USP36: variants seen among roughly 807,000 people sequenced by gnomAD.
USP36 encodes the protein ubiquitin carboxyl-terminal hydrolase 36.
USP36 carries 59 observed loss-of-function variants against 111.5 expected under a neutral mutation model. The observed-to-expected ratio is 0.53, with a 90% CI of 0.43 to 0.66. USP36 has a LOEUF of 0.66. USP36 is among the 30% of genes least tolerant of loss of function. USP36 has a pLI of 0.00. For missense variants in USP36, 1,488 were observed against 1,468.0 expected, an observed-to-expected ratio of 1.01 and a Z score of -0.22; for synonymous variants, 628 against 581.0, an observed-to-expected ratio of 1.08 and a Z score of -1.16.
intron 15 of USP36, among the ~76,000 whole-genome samples, chr17:78,804,819 G>C (rs1041807791): frequency 1.3e-5 from 2 of 151,904 alleles, no homozygotes; most frequent in African/African-American, 4.8e-5. Flanking sequence ...GTTAAGGGAG[G>C]AAACCTTCAC....
Position 78,803,779 on chromosome 17 carries a change from G to T in USP36, c.2416C>A (p.Gln806Lys), listed in dbSNP as rs537129179. 1 of 1,607,306 alleles carries T rather than the reference G, an allele frequency of 6.2e-7. No individual in the cohort carries two copies. Residue 806 changes from glutamine (Q) to lysine (K), a missense_variant, in exon 16 of 21, where the codon CAG becomes AAG. Gln to Lys is a moderately conservative substitution (Grantham distance 53, BLOSUM62 1). Around this residue, in one of 3 missense-constraint regions of USP36, gnomAD observed 1,073 missense variants for 994.1 expected, o/e 1.08. Coordinates refer to ENST00000449938, the MANE Select transcript of USP36 (RefSeq NM_001385174.1). The surrounding 1 kb of genome is among the most constrained non-coding windows in gnomAD (Gnocchi z 4.6). ...TTTTTCCTCTTCTCAGAGGGGCTCT[G>T]GGGGGGCTCACTGGCCTCTGGCAAC... is the stretch of plus-strand genomic sequence containing the variant. The part of the protein sequence containing the change: ...HQLPEASEPP[Q>K]SPSEKRKKTF...
rs2068560555 is a variant in USP36, at chr17:78,835,347, G to A, written c.408C>T (p.Thr136=). ...GTGGTGTGTAGGTCAAGCACTGGAT[G>A]GTGGCATTGAGAAAGCAGGTGTTGC... is the stretch of plus-strand genomic sequence containing the variant. The part of the protein sequence containing the change: ...NLGNTCFLNA[T]IQCLTYTPPL... Residue 136 remains threonine (T), a synonymous_variant, in exon 4 of 21, where the codon ACC becomes ACT. Coordinates refer to ENST00000449938, the MANE Select transcript of USP36 (RefSeq NM_001385174.1). 1 of 1,614,086 alleles carries A rather than the reference G, an allele frequency of 6.2e-7. No homozygotes were observed. Among genetic ancestry groups the A allele is most frequent in the South Asian group, 1.1e-5 (1 of 91,086 alleles).
chr17:78,820,923 G>A (rs2094302859), intron 8 of USP36, 68 bp downstream of exon 8: 3 of 1,502,848 alleles, frequency 2.0e-6, no homozygotes, highest in Non-Finnish European at 2.7e-6. Flanking sequence ...TTACTGTTCT[G>A]CGGGTTCTGT....
chr17:78,804,098 T>C lies in USP36; in HGVS notation c.2217-120A>G, dbSNP rs190840278. 89 of 673,448 alleles carry C rather than the reference T, an allele frequency of 1.3e-4. No homozygotes were observed. In the African/African-American group the frequency reaches 1.5e-3, roughly 11 times the overall value. The allele number at this position is 673,448 out of a possible 1,614,324, so 41.7% of individuals were successfully genotyped here. ...AAAATCTGAAAAGGCTTTTACCCTG[T>C]AGTTTTCAGATACACATTAAGTTAC... On this transcript the variant is annotated intron_variant, in intron 15 of 20. Coordinates refer to ENST00000449938, the MANE Select transcript of USP36 (RefSeq NM_001385174.1).
intron 17 of USP36, among the ~76,000 whole-genome samples, chr17:78,801,957 TG>T (rs1182994215): frequency 6.6e-6 from 1 of 151,924 alleles, no homozygotes; most frequent in African/African-American, 2.4e-5. Flanking sequence ...GACTCGGGGG[TG>T]GGGGGTGAAG....
intron 13 of USP36, among the ~76,000 whole-genome samples, chr17:78,811,332 C>A (rs896351442): frequency 6.6e-6 from 1 of 152,050 alleles, no homozygotes; most frequent in African/African-American, 2.4e-5. Flanking sequence ...AACCACATAA[C>A]CTTTATCATC....
chr17:78,807,702 T>C, intron 13 of USP36, 66 bp from the exon 14 acceptor site: 2 of 1,450,672 alleles, frequency 1.4e-6, no homozygotes, highest in African/African-American at 1.4e-5. Flanking sequence ...CACATCTTCT[T>C]AAGGCCACAG....
intron 7 of USP36, 149 bp from the exon 8 acceptor site, chr17:78,821,210 G>C: frequency 1.5e-6 from 1 of 660,594 alleles, no homozygotes. Flanking sequence ...CCTGGTGTCC[G>C]AACAGAGAGC....
At chr17:78,822,593 C>T (rs1314896243) in intron 6 of USP36, among the ~76,000 whole-genome samples, 1 of 152,228 alleles carries the variant, frequency 6.6e-6, no homozygotes, top group Admixed American at 6.5e-5. Flanking sequence ...TTCATGTCCC[C>T]CGCACCGCTC....
rs1446510953 is a variant in USP36 at position 78,803,076 on chromosome 17, C to CTA, written c.2810+307_2810+308dup. Among the ~76,000 whole-genome samples the CTA allele has an allele frequency of 2.6e-5, 4 of 152,048 alleles. No homozygotes were observed. The highest frequency in any genetic ancestry group is 6.5e-5 in the Admixed American group (1 of 15,272). ...ACCTCAGCCTCCTGAGTAGCTGGGA[C>CTA]TATAGGTGCATGCCACCATGCCCAA... On this transcript the variant is annotated intron_variant, in intron 16 of 20. Coordinates refer to ENST00000449938, the MANE Select transcript of USP36 (RefSeq NM_001385174.1). The surrounding 1 kb of genome is among the most constrained non-coding windows in gnomAD (Gnocchi z 4.6).
chr17:78,797,278 G>A lies in USP36; in HGVS notation c.*622C>T, dbSNP rs1358196645. The A allele has an allele frequency of 6.6e-6, 1 of 152,240 alleles. No homozygotes were observed. The highest frequency in any genetic ancestry group is 1.5e-5 in the Non-Finnish European group (1 of 68,038). 9.4% of individuals were successfully genotyped at this position (152,240 alleles called of 1,614,324 possible). A position where few individuals can be genotyped will look rare whatever the true frequency, so the allele number is the denominator to read the frequency against. On this transcript the variant is annotated 3_prime_UTR_variant, in exon 21 of 21. Transcript: ENST00000449938. ...CAAATAGCCTCTGCTCTCCAGGACA[G>A]TTGAGAGCTACTCACAAGGAAGGGG... is the stretch of plus-strand genomic sequence containing the variant.
chr17:78,807,665 TGAGGAAGCGAGAAG>T, intron 13 of USP36, 29 bp from the exon 14 acceptor site: 1 of 1,509,724 alleles, frequency 6.6e-7, no homozygotes, highest in East Asian at 2.3e-5. Context: ...AAAACACAAC[TGAGGAAGCGAGAAG>T]TCTCAGCTGG....
intron 15 of USP36, among the ~76,000 whole-genome samples, chr17:78,805,497 C>T (rs553084264): frequency 3.9e-5 from 6 of 152,142 alleles, no homozygotes; most frequent in East Asian, 1.9e-4. Flanking sequence ...GTACAGTCCC[C>T]GCAGGCCGCC....
At chr17:78,814,873 C>A (rs1432582140) in intron 10 of USP36, among the ~76,000 whole-genome samples, 1 of 151,842 alleles carries the variant, frequency 6.6e-6, no homozygotes, top group Non-Finnish European at 1.5e-5. Flanking sequence ...ATCACTTGAA[C>A]CCGCGAGGCA....
intron 17 of USP36, among the ~76,000 whole-genome samples, chr17:78,800,066 T>C (rs2093702476): frequency 6.8e-6 from 1 of 147,790 alleles, no homozygotes; most frequent in Admixed American, 6.7e-5. Flanking sequence ...CCTGACACAA[T>C]AGAGAAGGCT....
chr17:78,829,547 T>A (rs999801514), intron 4 of USP36, among the ~76,000 whole-genome samples: 5 of 152,136 alleles, frequency 3.3e-5, no homozygotes, highest in African/African-American at 1.2e-4. Context: ...AGATAGCAAA[T>A]CCTTTCCTAT....
chr17:78,803,809 G>A lies in USP36; in HGVS notation c.2386C>T (p.His796Tyr). Residue 796 changes from histidine (H) to tyrosine (Y), a missense_variant, in exon 16 of 21, where the codon CAC becomes TAC. Physicochemically the swap from His to Tyr is moderately conservative, Grantham distance 83. Transcript: ENST00000449938. This position sits in a 1 kb window ranked among gnomAD's most constrained non-coding sequence, Gnocchi z 4.6. ...QVNEDLVSLP[H>Y]QLPEASEPPQ... ...GGCTCACTGGCCTCTGGCAACTGGT[G>A]TGGAAGAGACACAAGGTCCTCGTTG... The A allele has an allele frequency of 6.2e-7, 1 of 1,612,992 alleles. No individual in the cohort carries two copies. The highest frequency in any genetic ancestry group is 8.5e-7 in the Non-Finnish European group (1 of 1,180,020).
Position 78,821,005 on chromosome 17 carries a change from C to T in USP36, c.814G>A (p.Ala272Thr), listed in dbSNP as rs777411928. ...CAGATCTGTACCCGGATCTCCAGCGCGACGTCCAAGTAGGGGTCGTAGGTG... is the reference window on the plus strand; with the variant it reads ...CAGATCTGTACCCGGATCTCCAGCGTGACGTCCAAGTAGGGGTCGTAGGTG... The part of the protein sequence containing the change: ...SDTYDPYLDV[A>T]LEIRQAANIV... Residue 272 changes from alanine to threonine, a missense_variant, in exon 8 of 21, where the codon GCG becomes ACG. Physicochemically the swap from Ala to Thr is moderately conservative, Grantham distance 58 (BLOSUM62 0). Coordinates refer to ENST00000449938, the MANE Select transcript of USP36 (RefSeq NM_001385174.1). 6.8e-6 allele frequency: 11 copies of T among 1,609,070 alleles called. No homozygotes were observed. In the Admixed American group the frequency reaches 8.4e-5, roughly 12 times the overall value.
intron 6 of USP36, among the ~76,000 whole-genome samples, chr17:78,826,305 A>T (rs1242679181): frequency 6.6e-6 from 1 of 152,214 alleles, no homozygotes; most frequent in Non-Finnish European, 1.5e-5. Context: ...AGGCAGGCAG[A>T]TCACTTGAGG....
Sources: allele counts gnomAD v4.1 joint callset (sites outside exome capture counted in the v4.1 genomes callset), GRCh38; gene constraint gnomAD v4.1.1; regional missense constraint gnomAD v4.1.1; non-coding constraint Gnocchi (gnomAD v3.1); transcripts MANE v1.5; gene names NCBI Gene and HGNC (gene_info 2026-07-23, HGNC 2026-07-21).